The following RANBP3 variants were observed in gnomAD, a reference collection of about 807,000 sequenced individuals.
RANBP3 encodes ran-binding protein 3.
A neutral mutation model predicts 77.3 loss-of-function variants in RANBP3; 14 were observed. The observed-to-expected ratio is 0.18, with a 90% confidence interval of 0.12 to 0.28. The LOEUF is 0.28. Ranked by LOEUF, RANBP3 falls within the 10% of genes least tolerant of loss-of-function variation. The pLI is 1.00. For synonymous variants in RANBP3, 315 were observed against 312.4 expected, an observed-to-expected ratio of 1.01 and a Z score of -0.09; for missense variants, 586 against 752.3, an observed-to-expected ratio of 0.78 and a Z score of 2.59.
chr19:5,923,173 G>C (rs138379093), intron 13 of RANBP3, 21 bp downstream of exon 13: 1 of 1,606,058 alleles, frequency 6.2e-7, no homozygotes, highest in Non-Finnish European at 8.5e-7. Context: ...CAGGGCCACC[G>C]AGGAGGGGCC....
chr19:5,946,951 G>A (rs1038330047), intron 3 of RANBP3, among the ~76,000 whole-genome samples: 2 of 152,164 alleles, frequency 1.3e-5, no homozygotes, highest in East Asian at 3.9e-4. Flanking sequence ...GGTTGGTCCC[G>A]AACAATGCCT....
At chr19:5,925,589 C>A in intron 10 of RANBP3, 45 bp downstream of exon 10, 2 of 1,559,760 alleles carry the variant, frequency 1.3e-6, no homozygotes, top group African/African-American at 2.7e-5. Flanking sequence ...CTCGCGGCCA[C>A]CTGCATCGCC....
chr19:5,946,819 C>T (rs779639858), intron 3 of RANBP3, among the ~76,000 whole-genome samples: 4 of 152,238 alleles, frequency 2.6e-5, no homozygotes, highest in Admixed American at 2.6e-4. Context: ...GCCCTGCACA[C>T]AGCCAATGCC....
In RANBP3 at chr19:5,929,342, T is replaced by A. The variant is rs560742275; in HGVS notation, c.694-1255A>T. Among the ~76,000 whole-genome samples, 3 of 152,350 alleles carry A rather than the reference T, an allele frequency of 2.0e-5. No individual in the cohort carries two copies. The East Asian group carries it at 5.8e-4, about 29-fold the overall frequency. On this transcript the variant is annotated intron_variant, in intron 8 of 16. Coordinates refer to ENST00000340578, the MANE Select transcript of RANBP3 (RefSeq NM_007322.3). ...CCCAGCCCCACTGGGGCCGCCTGCATCCCGTCCAGCAGAAACACTCCCTGG... is the reference window on the plus strand; with the variant it reads ...CCCAGCCCCACTGGGGCCGCCTGCAACCCGTCCAGCAGAAACACTCCCTGG...
At chr19:5,944,541 C>A (rs1035980462) in intron 3 of RANBP3, among the ~76,000 whole-genome samples, 1 of 152,254 alleles carries the variant, frequency 6.6e-6, no homozygotes, top group East Asian at 1.9e-4. Context: ...CTGCCCTCGA[C>A]GGGCCCTTAC....
At chr19:5,918,301 G>A in intron 15 of RANBP3, 195 bp downstream of exon 15, 2 of 696,022 alleles carry the variant, frequency 2.9e-6, no homozygotes, top group South Asian at 4.1e-5. Flanking sequence ...TCTGGGTTGA[G>A]AAGAGGACAA....
At chr19:5,945,454 G>A (rs2058191958) in intron 3 of RANBP3, among the ~76,000 whole-genome samples, 1 of 152,164 alleles carries the variant, frequency 6.6e-6, no homozygotes, top group Non-Finnish European at 1.5e-5. Flanking sequence ...GATGTGTTTG[G>A]TGACCTAACA....
chr19:5,931,540 G>A lies in RANBP3; in HGVS notation c.566-9C>T, dbSNP rs1398530748. 1.2e-6 allele frequency: 2 copies of A among 1,601,452 alleles called. No individual in the cohort carries two copies. The highest frequency in any genetic ancestry group is 1.1e-5 in the South Asian group (1 of 90,496). ...GGTGCCACTGCTGGGGACTGTGGGA[G>A]GGAAGGAGAGTGGGGAATCACAGGT... On this transcript the variant is annotated splice_polypyrimidine_tract_variant and intron_variant, in intron 7 of 16. Transcript: ENST00000340578.
rs2058083665 is a variant in RANBP3 at position 5,937,646 on chromosome 19, G to A, written c.406+3975C>T. 2.0e-5 allele frequency among the ~76,000 whole-genome samples: 3 copies of A among 152,346 alleles called. No individual in the cohort carries two copies. The South Asian group carries it at 6.2e-4, about 32-fold the overall frequency. On this transcript the variant is annotated intron_variant, in intron 5 of 16. Coordinates refer to ENST00000340578, the MANE Select transcript of RANBP3 (RefSeq NM_007322.3). ...AATTAAAGCTAAAAAACAGAAGGCA[G>A]GCAGACAAGGATGTGAAGTTGGGTT...
At position 5,924,797 on chromosome 19, in the gene RANBP3, C is replaced by T; in HGVS notation, c.996+30G>A. 1.2e-6 allele frequency: 2 copies of T among 1,600,182 alleles called. No homozygotes were observed. Among genetic ancestry groups the T allele is most frequent in the Admixed American group, 1.7e-5 (1 of 60,004 alleles). ...TGGCTGGCGCCGAGAGCCTCTGGTC[C>T]CTGAGAACATTCCCAACACAGCCAC... On this transcript the variant is annotated intron_variant, in intron 11 of 16. Coordinates refer to ENST00000340578, the MANE Select transcript of RANBP3 (RefSeq NM_007322.3). The surrounding 1 kb of genome is among the most constrained non-coding windows in gnomAD (Gnocchi z 4.7).
intron 9 of RANBP3, among the ~76,000 whole-genome samples, chr19:5,926,897 G>A (rs999140061): frequency 2.6e-5 from 4 of 152,230 alleles, no homozygotes; most frequent in Non-Finnish European, 4.4e-5. Flanking sequence ...AACACAAGCC[G>A]GTGCTTTCTG....
chr19:5,973,797 A>C (rs367672759), intron 1 of RANBP3, among the ~76,000 whole-genome samples: 1 of 152,200 alleles, frequency 6.6e-6, no homozygotes, highest in African/African-American at 2.4e-5. Context: ...TAAACAATGT[A>C]TGTGCACTCA....
chr19:5,923,082 C>T (rs1467104568), intron 13 of RANBP3, 112 bp downstream of exon 13: 17 of 835,866 alleles, frequency 2.0e-5, no homozygotes, highest in African/African-American at 5.1e-5. Context: ...GTGGCCCCTC[C>T]GTCATCTCAG....
chr19:5,951,768 G>A (rs1001338997), intron 2 of RANBP3, among the ~76,000 whole-genome samples, 172 bp from the exon 3 acceptor site: 3 of 152,164 alleles, frequency 2.0e-5, no homozygotes, highest in South Asian at 4.1e-4. Flanking sequence ...CAACAAAACC[G>A]GCTCTCCGGC....
intron 2 of RANBP3, among the ~76,000 whole-genome samples, chr19:5,955,365 A>G (rs2058323686): frequency 6.6e-6 from 1 of 152,118 alleles, no homozygotes; most frequent in African/African-American, 2.4e-5. Context: ...CGGCCTCCCA[A>G]AGTGCTGGGA....
chr19:5,977,768 G>A (rs1446100896), intron 1 of RANBP3, among the ~76,000 whole-genome samples: 1 of 152,174 alleles, frequency 6.6e-6, no homozygotes, highest in Non-Finnish European at 1.5e-5. Flanking sequence ...GCCCCCTTCA[G>A]CCCCGAGCTT....
chr19:5,926,513 T>C (rs145838655), intron 9 of RANBP3, among the ~76,000 whole-genome samples: 1 of 152,058 alleles, frequency 6.6e-6, no homozygotes, highest in African/African-American at 2.4e-5. Flanking sequence ...ATCATGCCAC[T>C]GCACTCCAGC....
In RANBP3 at chr19:5,917,539, G is replaced by A. The variant is rs2057754711; in HGVS notation, c.*71C>T. On this transcript the variant is annotated 3_prime_UTR_variant, in exon 17 of 17. Coordinates refer to ENST00000340578, the MANE Select transcript of RANBP3 (RefSeq NM_007322.3). ...GCCCCGCACCTGGACGCTGCCGGTG[G>A]GGTGGGGGCGGGTGGGCGGGTGGAT... The A allele has an allele frequency of 6.8e-7, 1 of 1,473,922 alleles. No homozygotes were observed. The highest frequency in any genetic ancestry group is 1.3e-5 in the South Asian group (1 of 75,978). The allele number at this position is 1,473,922 out of a possible 1,614,324, so 91.3% of individuals were successfully genotyped here.
At chr19:5,932,369 C>T (rs1039109048) in intron 7 of RANBP3, 83 bp downstream of exon 7, 21 of 1,068,852 alleles carry the variant, frequency 2.0e-5, no homozygotes, top group South Asian at 9.3e-5. Flanking sequence ...TCACCTCTGT[C>T]GCAACACTGC....
Sources: allele counts gnomAD v4.1 joint callset (sites outside exome capture counted in the v4.1 genomes callset), GRCh38; gene constraint gnomAD v4.1.1; non-coding constraint Gnocchi (gnomAD v3.1); transcripts MANE v1.5; gene names NCBI Gene and HGNC (gene_info 2026-07-23, HGNC 2026-07-21).